The following CCNL1 variants were observed in gnomAD, a reference collection of about 807,000 sequenced individuals.
The protein encoded by CCNL1 is cyclin L1, also known as cyclin-L1.
In CCNL1, 13 loss-of-function variants were observed where a neutral mutation model predicts 60.6. The ratio of observed to expected loss-of-function variants is 0.21; its 90% CI spans 0.14 to 0.34. The LOEUF is 0.34. Ranked by LOEUF, CCNL1 falls within the 10% of genes least tolerant of loss-of-function variation. CCNL1 has a pLI of 1.00. For missense variants in CCNL1, 481 were observed against 664.3 expected, an observed-to-expected ratio of 0.72 and a Z score of 3.03; for synonymous variants, 270 against 244.3, an observed-to-expected ratio of 1.10 and a Z score of -0.98.
chr3:157,159,534 C>A, intron 1 of CCNL1, 55 bp from the exon 2 acceptor site: 6 of 1,499,434 alleles, frequency 4.0e-6, no homozygotes, highest in South Asian at 2.3e-5. Flanking sequence ...CCGCTCCAGG[C>A]GCCGCCGCCA....
At chr3:157,150,701 C>T (rs556726184) in intron 5 of CCNL1, 133 of 1,042,308 alleles carry the variant, frequency 1.3e-4, no homozygotes, top group Admixed American at 5.0e-4. Flanking sequence ...AATTCTGACA[C>T]GATTAGTTTC....
chr3:157,143,775 G>C (rs1390262174), downstream of CCNL1, among the ~76,000 whole-genome samples: 3 of 152,102 alleles, frequency 2.0e-5, no homozygotes, highest in South Asian at 4.1e-4. Context: ...CTCTGAGACA[G>C]AAACATCCCC....
chr3:157,148,927 GATTC>G (rs1388225102), intron 10 of CCNL1: 2 of 331,984 alleles, frequency 6.0e-6, no homozygotes, highest in African/African-American at 4.3e-5. Flanking sequence ...AACTAAAGAA[GATTC>G]ATTGACTGGT....
At position 157,156,634 on chromosome 3, in the gene CCNL1, C is replaced by T. The variant is rs1462284823; in HGVS notation, c.488+2232G>A. 2.6e-5 allele frequency among the ~76,000 whole-genome samples: 4 copies of T among 152,300 alleles called. No homozygotes were observed. In the East Asian group the frequency reaches 7.7e-4, roughly 29 times the overall value. ...TTTAAAAAGCTCCTCTGCTAATTCT[C>T]AATGTGTAGCCAGGCTGAAGAGACC... On this transcript the variant is annotated intron_variant, in intron 3 of 10. Transcript: ENST00000295926.
At chr3:157,149,785 A>C in intron 8 of CCNL1, 51 bp downstream of exon 8, 1 of 1,585,990 alleles carries the variant, frequency 6.3e-7, no homozygotes, top group Non-Finnish European at 8.6e-7. Context: ...CTCTCTAATA[A>C]AGACACACTT....
At chr3:157,154,548 T>G (rs1738444854) in intron 3 of CCNL1, 1 of 152,200 alleles carries the variant, frequency 6.6e-6, no homozygotes, top group African/African-American at 2.4e-5. Flanking sequence ...AACAAAAATC[T>G]ATTTCAATAC....
At chr3:157,159,575 T>A in intron 1 of CCNL1, 96 bp from the exon 2 acceptor site, 1 of 1,211,492 alleles carries the variant, frequency 8.3e-7, no homozygotes, top group Non-Finnish European at 1.2e-6. Flanking sequence ...CCCTTTCCCC[T>A]CCCGCCGCCG....
chr3:157,155,452 T>G (rs1223293943), intron 3 of CCNL1, among the ~76,000 whole-genome samples: 1 of 152,172 alleles, frequency 6.6e-6, no homozygotes. Context: ...CAAAATAGAT[T>G]TAAGAAAACC....
At chr3:157,151,333 T>C (rs1738176823) in intron 5 of CCNL1, 1 of 985,846 alleles carries the variant, frequency 1.0e-6, no homozygotes. Flanking sequence ...TAGTTGTGGC[T>C]GAACCACAAA....
At chr3:157,150,227 C>A in intron 6 of CCNL1, 55 bp downstream of exon 6, 1 of 1,609,020 alleles carries the variant, frequency 6.2e-7, no homozygotes, top group Non-Finnish European at 8.5e-7. Context: ...GTATTGGAAC[C>A]ACCGAAAATT....
In CCNL1 at chr3:157,148,027, T is replaced by C; in HGVS notation, c.*214A>G. ...AATAAAGTACAATTGAACCTGACCATGGTTTTTAATTAGATACTGCTAGGG... is the reference window on the plus strand; with the variant it reads ...AATAAAGTACAATTGAACCTGACCACGGTTTTTAATTAGATACTGCTAGGG... On this transcript the variant is annotated 3_prime_UTR_variant, in exon 11 of 11. Transcript: ENST00000295926. 3 of 1,324,708 alleles carry C rather than the reference T, an allele frequency of 2.3e-6. No homozygotes were observed. Among genetic ancestry groups the C allele is most frequent in the East Asian group, 2.8e-5 (1 of 35,354 alleles). The allele number at this position is 1,324,708 out of a possible 1,614,324, so 82.1% of individuals were successfully genotyped here.
At chr3:157,156,406 A>G (rs1236281048) in intron 3 of CCNL1, among the ~76,000 whole-genome samples, 2 of 152,212 alleles carry the variant, frequency 1.3e-5, no homozygotes, top group African/African-American at 4.8e-5. Context: ...TGTATTTACT[A>G]ATGAGAATGG....
rs372381538 is a variant in CCNL1 at position 157,153,170 on chromosome 3, G to A, written c.489-14C>T. 7 of 1,594,060 alleles carry A rather than the reference G, an allele frequency of 4.4e-6. No individual in the cohort carries two copies. The highest frequency in any genetic ancestry group is 3.4e-5 in the South Asian group (3 of 88,018). On this transcript the variant is annotated splice_polypyrimidine_tract_variant and intron_variant, in intron 3 of 10. Transcript: ENST00000295926. ...GGGCTTGGAGTCCTATAGTTTGTAA[G>A]AAATAAAATCAAAACTGTTTTGCAC...
chr3:157,153,406 T>G (rs965560872), intron 3 of CCNL1: 1 of 355,636 alleles, frequency 2.8e-6, no homozygotes, highest in African/African-American at 2.1e-5. Flanking sequence ...TGTTCTTGAA[T>G]TCATCCCTGC....
In CCNL1 at chr3:157,157,707, A is replaced by G. The variant is rs148555064; in HGVS notation, c.488+1159T>C. ...TGGACACAGTTAAGGTGAATGAGAAAAGATGGGGGAGAAAAAGTATGTAGG... is the reference window on the plus strand; with the variant it reads ...TGGACACAGTTAAGGTGAATGAGAAGAGATGGGGGAGAAAAAGTATGTAGG... On this transcript the variant is annotated intron_variant, in intron 3 of 10. Coordinates refer to ENST00000295926, the MANE Select transcript of CCNL1 (RefSeq NM_020307.4). Among the ~76,000 whole-genome samples the G allele has an allele frequency of 6.8e-3, 1,033 of 152,350 alleles. 17 individuals are homozygous for G. Among genetic ancestry groups the G allele is most frequent in the African/African-American group, 0.024 (982 of 41,584 alleles).
At chr3:157,154,913 C>T (rs1012158493) in intron 3 of CCNL1, among the ~76,000 whole-genome samples, 1 of 149,774 alleles carries the variant, frequency 6.7e-6, no homozygotes, top group Non-Finnish European at 1.5e-5. Flanking sequence ...ATGAAAACAA[C>T]CTATCTCTCT....
At chr3:157,159,232 G>C (rs1738865049) in intron 2 of CCNL1, 173 bp downstream of exon 2, 2 of 665,510 alleles carry the variant, frequency 3.0e-6, no homozygotes, top group South Asian at 3.9e-5. Context: ...ACTTAGGCTC[G>C]TGATCGATTT....
At chr3:157,156,339 C>T (rs1044628027) in intron 3 of CCNL1, among the ~76,000 whole-genome samples, 4 of 152,222 alleles carry the variant, frequency 2.6e-5, no homozygotes, top group African/African-American at 7.2e-5. Flanking sequence ...TCACTTAACA[C>T]CCTTCCAATT....
At chr3:157,145,454 A>AAAAAAAAAAAAAAAAAAAAAAAAAAAAC (rs1737753071), downstream of CCNL1, among the ~76,000 whole-genome samples, 1 of 148,850 alleles carries the variant, frequency 6.7e-6, no homozygotes, top group Non-Finnish European at 1.5e-5. Flanking sequence ...AAAAAAAAAA[A>AAAAAAAAAAAAAAAAAAAAAAAAAAAAC]AAAAAAAAAA....
Sources: gnomAD v4.1 joint callset for allele counts (sites outside exome capture counted in the v4.1 genomes callset) on GRCh38, gnomAD v4.1.1 for gene constraint, MANE v1.5 for transcripts, NCBI Gene and HGNC (gene_info 2026-07-23, HGNC 2026-07-21) for gene names.